OLFM1: variants seen among roughly 807,000 people sequenced by gnomAD.
OLFM1 encodes noelin.
In OLFM1, 9 loss-of-function variants were observed where a neutral mutation model predicts 49.7. The ratio of observed to expected loss-of-function variants is 0.18; its 90% CI spans 0.11 to 0.32. OLFM1 has a LOEUF of 0.32. OLFM1 is among the 10% of genes least tolerant of loss of function. OLFM1 has a pLI of 1.00. For missense variants in OLFM1, 369 were observed against 661.8 expected, an observed-to-expected ratio of 0.56 and a Z score of 4.85; for synonymous variants, 240 against 271.8, an observed-to-expected ratio of 0.88 and a Z score of 1.15.
At chr9:135,093,783 T>G (rs954361017) in intron 2 of OLFM1, among the ~76,000 whole-genome samples, 1 of 152,124 alleles carries the variant, frequency 6.6e-6, no homozygotes, top group African/African-American at 2.4e-5. Flanking sequence ...GATGGGTGCG[T>G]GATTGCAGTC....
At chr9:135,089,447 C>T (rs1830649887) in intron 1 of OLFM1, among the ~76,000 whole-genome samples, 1 of 152,210 alleles carries the variant, frequency 6.6e-6, no homozygotes, top group Non-Finnish European at 1.5e-5. Context: ...TTAGACCAGA[C>T]ATGGGCAGCT....
intron 2 of OLFM1, among the ~76,000 whole-genome samples, chr9:135,092,875 G>A (rs1290316758): frequency 6.6e-6 from 1 of 152,354 alleles, no homozygotes; most frequent in East Asian, 1.9e-4. Context: ...ATTTTAGCAG[G>A]AGGCAGCGCT....
In OLFM1 at chr9:135,105,188, G is replaced by C. The variant is rs1280889886; in HGVS notation, c.677-1561G>C. Among the ~76,000 whole-genome samples the C allele has an allele frequency of 6.5e-4, 99 of 152,232 alleles. 2 individuals carry two copies. The highest frequency in any genetic ancestry group is 6.5e-3 in the Admixed American group (99 of 15,290). ...ATAATTCCTCCTGAAAGTAGGAATG[G>C]GGAACTACGCACGGAGGAGGAAGGG... is the stretch of plus-strand genomic sequence containing the variant. On this transcript the variant is annotated intron_variant, in intron 4 of 5. Coordinates refer to ENST00000371793, the MANE Select transcript of OLFM1 (RefSeq NM_001282611.2).
At position 135,075,547 on chromosome 9, in the gene OLFM1, G is replaced by A; in HGVS notation, c.-160G>A. The A allele has an allele frequency of 8.8e-6, 4 of 456,532 alleles. No individual in the cohort carries two copies. In the South Asian group the frequency reaches 1.7e-4, roughly 19 times the overall value. 28.3% of individuals were successfully genotyped at this position (456,532 alleles called of 1,614,324 possible). On this transcript the variant is annotated 5_prime_UTR_variant, in exon 1 of 6. Coordinates refer to the OLFM1 transcript ENST00000252854. ...GACGCGATAAATATGCAGAGCGGAG[G>A]CTTCGCGCAGCAGAGCCCGCGCGCC... is the stretch of plus-strand genomic sequence containing the variant.
chr9:135,091,447 TCA>T (rs1304227634), intron 2 of OLFM1, among the ~76,000 whole-genome samples: 84 of 150,960 alleles, frequency 5.6e-4, no homozygotes, highest in Middle Eastern at 3.4e-3. Context: ...TCACACATAG[TCA>T]CACACACACT....
chr9:135,112,200 G>A (rs1049928898), intron 5 of OLFM1, among the ~76,000 whole-genome samples: 3 of 145,476 alleles, frequency 2.1e-5, no homozygotes, highest in Non-Finnish European at 4.6e-5. Flanking sequence ...GACATGCACT[G>A]GCCGCTGATC....
chr9:135,087,494 A>G, upstream of OLFM1: 1 of 1,469,216 alleles, frequency 6.8e-7, no homozygotes, highest in Admixed American at 2.3e-5. Context: ...TGTCACCCTG[A>G]TCCCAACTCC....
chr9:135,118,360 A>G (rs1831125482), intron 5 of OLFM1, among the ~76,000 whole-genome samples: 1 of 134,278 alleles, frequency 7.4e-6, no homozygotes, highest in East Asian at 2.3e-4. Context: ...GGTCTTTGGA[A>G]ATGCTCACTG....
At chr9:135,118,184 C>T (rs1463499886) in intron 5 of OLFM1, among the ~76,000 whole-genome samples, 1 of 152,238 alleles carries the variant, frequency 6.6e-6, no homozygotes, top group African/African-American at 2.4e-5. Flanking sequence ...GCCTGTTCCA[C>T]CCCACTTTGG....
At position 135,113,523 on chromosome 9, in the gene OLFM1, GA is replaced by G. The variant is rs2119139412; in HGVS notation, c.784-5980del. 6.6e-6 allele frequency among the ~76,000 whole-genome samples: 1 copy of G among 152,342 alleles called. No homozygotes were observed. Among genetic ancestry groups the G allele is most frequent in the African/African-American group, 2.4e-5 (1 of 41,580 alleles). ...ACAGCAGAGGGAACTGAGGCACAGAGAGGGGTGGAAACTCCCCAGGTCTCGC... is the reference window on the plus strand; with the variant it reads ...ACAGCAGAGGGAACTGAGGCACAGAGGGGGTGGAAACTCCCCAGGTCTCGC... On this transcript the variant is annotated intron_variant, in intron 5 of 5. Transcript: ENST00000371793. The surrounding 1 kb of genome is among the most constrained non-coding windows in gnomAD (Gnocchi z 4.0).
intron 3 of OLFM1, among the ~76,000 whole-genome samples, chr9:135,097,185 A>T (rs1311223280): frequency 6.6e-6 from 1 of 152,236 alleles, no homozygotes; most frequent in Non-Finnish European, 1.5e-5. Flanking sequence ...ATTCTCTTTT[A>T]AAAATGATAC....
chr9:135,087,387 C>T, upstream of OLFM1: 2 of 1,546,804 alleles, frequency 1.3e-6, no homozygotes, highest in Non-Finnish European at 1.7e-6. Context: ...GGAGAAGCCC[C>T]GGGACGGGAG....
chr9:135,103,237 C>T (rs1196700947), intron 4 of OLFM1, among the ~76,000 whole-genome samples: 1 of 152,216 alleles, frequency 6.6e-6, no homozygotes, highest in Non-Finnish European at 1.5e-5. Context: ...CCTGAGTGCT[C>T]GTGACTGGAG....
chr9:135,086,705 C>T (rs1254572529), upstream of OLFM1: 1 of 456,010 alleles, frequency 2.2e-6, no homozygotes, highest in Non-Finnish European at 4.4e-6. Context: ...GCCTGCGCTT[C>T]AGGTGGGACT....
chr9:135,096,718 G>C (rs1311174954), intron 3 of OLFM1, among the ~76,000 whole-genome samples: 1 of 152,212 alleles, frequency 6.6e-6, no homozygotes, highest in Non-Finnish European at 1.5e-5. Context: ...AAGATTAGCT[G>C]AATTGATGAG....
Position 135,095,932 on chromosome 9 carries a change from G to A in OLFM1, c.369G>A (p.Glu123=). 6.2e-7 allele frequency: 1 copy of A among 1,613,112 alleles called. No homozygotes were observed. The highest frequency in any genetic ancestry group is 1.1e-5 in the South Asian group (1 of 91,040). The change falls in exon 3 of 6, where the codon GAG becomes GAA. Residue 123 remains glutamate, a synonymous_variant. Coordinates refer to ENST00000371793, the MANE Select transcript of OLFM1 (RefSeq NM_001282611.2). ...RRTQRDLQYV[E]KMENQMKGLE... ...CCCAGAGAGACTTGCAGTACGTGGA[G>A]AAGATGGAGAACCAAATGAAAGGAC...
chr9:135,091,745 A>ACATAGTCACACACT (rs1830709280), intron 2 of OLFM1, among the ~76,000 whole-genome samples: 2 of 141,210 alleles, frequency 1.4e-5, no homozygotes, highest in East Asian at 2.2e-4. Context: ...ACACACCCAC[A>ACATAGTCACACACT]CATAGTCACA....
At chr9:135,090,900 C>T (rs1253807400) in intron 2 of OLFM1, among the ~76,000 whole-genome samples, 1 of 152,240 alleles carries the variant, frequency 6.6e-6, no homozygotes, top group Non-Finnish European at 1.5e-5. Flanking sequence ...GGGGCTAAAG[C>T]AGGCCATGCT....
intron 3 of OLFM1, chr9:135,097,856 G>A: frequency 6.2e-7 from 1 of 1,606,144 alleles, no homozygotes. Context: ...ATGAAAGAGA[G>A]CCAGAGAGCT....
Sources: gnomAD v4.1 joint callset for allele counts (sites outside exome capture counted in the v4.1 genomes callset) on GRCh38, gnomAD v4.1.1 for gene constraint, Gnocchi (gnomAD v3.1) non-coding constraint, MANE v1.5 for transcripts, NCBI Gene and HGNC (gene_info 2026-07-23, HGNC 2026-07-21) for gene names.